TOMM40: variants seen among roughly 807,000 people sequenced by gnomAD.
TOMM40 encodes the protein translocase of outer mitochondrial membrane 40.
A neutral mutation model predicts 38.4 loss-of-function variants in TOMM40; 9 were observed. The observed-to-expected ratio is 0.23, with a 90% CI of 0.14 to 0.41. The LOEUF (loss-of-function observed/expected upper bound fraction) is 0.41. Ranked by LOEUF, TOMM40 falls within the 10% of genes least tolerant of loss-of-function variation. The pLI, the probability that TOMM40 is intolerant of heterozygous loss-of-function variation, is 1.00. For synonymous variants in TOMM40, 184 were observed against 210.0 expected (o/e 0.88, Z 1.07); for missense variants, 299 against 486.5 (o/e 0.61, Z 3.63).
In TOMM40 at chr19:44,901,316, G is replaced by T; in HGVS notation, c.946+6G>T. 1 of 1,613,210 alleles carries T rather than the reference G, an allele frequency of 6.2e-7. No homozygotes were observed. Among genetic ancestry groups the T allele is most frequent in the Non-Finnish European group, 8.5e-7 (1 of 1,179,668 alleles). On this transcript the variant is annotated splice_donor_region_variant and intron_variant, in intron 8 of 8. Transcript: ENST00000426677. The stretch of plus-strand genomic sequence containing the variant: ...GGCCAACCTCCTCTTCAAAGGTAAA[G>T]GTCTCGGTTCCCCTACGCGGGAAAC...
chr19:44,903,406 G>T lies in TOMM40; in HGVS notation c.*237G>T, dbSNP rs994350836. ...ATGCCCAGTGGGCCTGGGGTCCCGGGAGGGATTCCGGAATTGAGGGGCACG... is the reference window on the plus strand; with the variant it reads ...ATGCCCAGTGGGCCTGGGGTCCCGGTAGGGATTCCGGAATTGAGGGGCACG... On this transcript the variant is annotated 3_prime_UTR_variant, in exon 9 of 9. Coordinates refer to ENST00000426677, the MANE Select transcript of TOMM40 (RefSeq NM_001128917.2). The T allele has an allele frequency of 1.1e-5, 5 of 452,644 alleles. No homozygotes were observed. Among genetic ancestry groups the T allele is most frequent in the Non-Finnish European group, 2.0e-5 (5 of 256,220 alleles). The allele number at this position is 452,644 out of a possible 1,614,324, so 28.0% of individuals were successfully genotyped here. A position where few individuals can be genotyped will look rare whatever the true frequency, so the allele number is the denominator to read the frequency against.
intron 5 of TOMM40, among the ~76,000 whole-genome samples, 182 bp downstream of exon 5, chr19:44,894,248 G>C (rs1026619158): frequency 6.7e-6 from 1 of 148,552 alleles, no homozygotes; most frequent in Non-Finnish European, 1.5e-5. Context: ...ATGAGTGGGT[G>C]AGTCAGAGCA....
intron 1 of TOMM40, 36 bp from the exon 2 acceptor site, chr19:44,892,357 G>A (rs1969482088): frequency 6.2e-7 from 1 of 1,603,882 alleles, no homozygotes; most frequent in Non-Finnish European, 8.5e-7. Flanking sequence ...TTGGTGTGGG[G>A]TTGGAGTGGA....
Position 44,891,272 on chromosome 19 carries a change from G to A in TOMM40, c.-144G>A. ...GCGGGTTCGGTTGCGCGTGGCGCAC[G>A]GGGTGGGAGCGGAGCCCAGGCCGGG... On this transcript the variant is annotated 5_prime_UTR_variant, in exon 1 of 9. Transcript: ENST00000426677. 3 of 1,139,592 alleles carry A rather than the reference G, an allele frequency of 2.6e-6. No individual in the cohort carries two copies. The highest frequency in any genetic ancestry group is 3.3e-6 in the Non-Finnish European group (3 of 911,634). The allele number at this position is 1,139,592 out of a possible 1,614,324, so 70.6% of individuals were successfully genotyped here.
rs141224510 is a variant in TOMM40, at chr19:44,892,061, T to G, written c.275-332T>G. ...CCTCCGGATCCCAGCCTGGAGCAAT[T>G]AGAGTAGTAGTAGTGGTGGAGATTT... On this transcript the variant is annotated intron_variant, in intron 1 of 8. Transcript: ENST00000426677. Among the ~76,000 whole-genome samples, 698 of 152,158 alleles carry G rather than the reference T, an allele frequency of 4.6e-3. 2 individuals carry two copies. Among genetic ancestry groups the G allele is most frequent in the African/African-American group, 0.016 (674 of 41,534 alleles).
rs112776191 is a variant in TOMM40 at position 44,903,357 on chromosome 19, G to C, written c.*188G>C. 14 of 603,330 alleles carry C rather than the reference G, an allele frequency of 2.3e-5. No homozygotes were observed. The African/African-American group carries it at 2.5e-4, about 11-fold the overall frequency. 37.4% of individuals were successfully genotyped at this position (603,330 alleles called of 1,614,324 possible). Reference sequence around the variant, plus strand: ...GGATTCTGGAACTGAATGGCGCTTCGGGATTCTGAGTAGCAGGGGCAGCAT... The same window carrying C: ...GGATTCTGGAACTGAATGGCGCTTCCGGATTCTGAGTAGCAGGGGCAGCAT... On this transcript the variant is annotated 3_prime_UTR_variant, in exon 9 of 9. Transcript: ENST00000426677.
chr19:44,896,026 A>G (rs1969558496), intron 5 of TOMM40, among the ~76,000 whole-genome samples: 2 of 152,156 alleles, frequency 1.3e-5, no homozygotes, highest in Admixed American at 1.3e-4. Context: ...CAAGGCCAAG[A>G]GGAGGTTCTC....
intron 8 of TOMM40, chr19:44,901,683 G>A (rs2122782135): frequency 6.0e-6 from 2 of 332,840 alleles, no homozygotes; most frequent in East Asian, 1.0e-4. Flanking sequence ...CTTGCGGTGA[G>A]CCGAGATCGT....
chr19:44,892,489 A>G (rs1969485694), intron 2 of TOMM40, 29 bp downstream of exon 2: 1 of 1,606,380 alleles, frequency 6.2e-7, no homozygotes, highest in Admixed American at 1.7e-5. Flanking sequence ...CTTACCCACC[A>G]GAGATCGTCC....
At chr19:44,894,121 A>G (rs748320561) in intron 5 of TOMM40, 55 bp downstream of exon 5, 610 of 1,358,918 alleles carry the variant, frequency 4.5e-4, no homozygotes, top group Non-Finnish European at 5.5e-4. Context: ...TGGCTTTGCC[A>G]GCAAATCCAC....
rs768338651 is a variant in TOMM40, at chr19:44,892,378, G to C, written c.275-15G>C. Reference sequence around the variant, plus strand: ...TGGGGTTGGAGTGGAGTGTGACAGCGTTTCTCTTCTCCAGAGCTGTTTCCC... The same window carrying C: ...TGGGGTTGGAGTGGAGTGTGACAGCCTTTCTCTTCTCCAGAGCTGTTTCCC... On this transcript the variant is annotated splice_polypyrimidine_tract_variant and intron_variant, in intron 1 of 8. Transcript: ENST00000426677. 1.2e-6 allele frequency: 2 copies of C among 1,613,858 alleles called. No homozygotes were observed. The highest frequency in any genetic ancestry group is 1.7e-6 in the Non-Finnish European group (2 of 1,179,876).
In TOMM40 at chr19:44,892,530, C is replaced by A. The variant is rs974334426; in HGVS notation, c.342+70C>A. The A allele has an allele frequency of 7.0e-6, 10 of 1,421,554 alleles. No individual in the cohort carries two copies. The Admixed American group carries it at 1.0e-4, about 14-fold the overall frequency. 88.1% of individuals were successfully genotyped at this position (1,421,554 alleles called of 1,614,324 possible). ...GTCCCCCTCCCTGCATCTGCACACTCGGCCCAATTACTCCTCCCTCAAGAG... is the reference window on the plus strand; with the variant it reads ...GTCCCCCTCCCTGCATCTGCACACTAGGCCCAATTACTCCTCCCTCAAGAG... On this transcript the variant is annotated intron_variant, in intron 2 of 8. Transcript: ENST00000426677.
chr19:44,902,816 C>T lies in TOMM40; in HGVS notation c.947-214C>T, dbSNP rs1969707060. On this transcript the variant is annotated intron_variant, in intron 8 of 8. Coordinates refer to ENST00000426677, the MANE Select transcript of TOMM40 (RefSeq NM_001128917.2). The stretch of plus-strand genomic sequence containing the variant: ...GAACCCAGGGGTCTAGAGGGCTTTT[C>T]AGAGGGCAGGGGTCACTGAGCGGAG... 22 of 551,372 alleles carry T rather than the reference C, an allele frequency of 4.0e-5. No homozygotes were observed. In the South Asian group the frequency reaches 5.3e-4, roughly 13 times the overall value. The allele number at this position is 551,372 out of a possible 1,614,324, so 34.2% of individuals were successfully genotyped here.
intron 8 of TOMM40, chr19:44,901,579 A>G: frequency 1.2e-6 from 1 of 827,608 alleles, no homozygotes; most frequent in Non-Finnish European, 1.8e-6. Context: ...TACTAAAAAT[A>G]CAAAAACAAA....
At position 44,901,117 on chromosome 19, in the gene TOMM40, A is replaced by C; in HGVS notation, c.843+13A>C. On this transcript the variant is annotated intron_variant, in intron 7 of 8. Coordinates refer to ENST00000426677, the MANE Select transcript of TOMM40 (RefSeq NM_001128917.2). Reference sequence around the variant, plus strand: ...AGCCAGTGACCAGGTGAGTGGGTGCAGGGACTAGCTGGTGCTGCCAGGGGC... The same window carrying C: ...AGCCAGTGACCAGGTGAGTGGGTGCCGGGACTAGCTGGTGCTGCCAGGGGC... 6.2e-7 allele frequency: 1 copy of C among 1,614,260 alleles called. No individual in the cohort carries two copies. Among genetic ancestry groups the C allele is most frequent in the Non-Finnish European group, 8.5e-7 (1 of 1,180,034 alleles).
Sources: gnomAD v4.1 joint callset for allele counts (sites outside exome capture counted in the v4.1 genomes callset) on GRCh38, gnomAD v4.1.1 for gene constraint, MANE v1.5 for transcripts, NCBI Gene and HGNC (gene_info 2026-07-23, HGNC 2026-07-21) for gene names.